TBXAS1: variants seen among roughly 807,000 people sequenced by gnomAD.
TBXAS1 encodes thromboxane A synthase 1.
In TBXAS1, 48 loss-of-function variants were observed where a neutral mutation model predicts 60.7. That is an observed-to-expected ratio of 0.79 (90% CI 0.63 to 1.01). TBXAS1 has a LOEUF of 1.01. Ranked by LOEUF, TBXAS1 falls within the 50% of genes least tolerant of loss-of-function variation. The pLI is 0.00. For synonymous variants in TBXAS1, 287 were observed against 269.7 expected, an observed-to-expected ratio of 1.06 and a Z score of -0.63; for missense variants, 685 against 686.3, an observed-to-expected ratio of 1.00 and a Z score of 0.02.
In TBXAS1 at chr7:139,866,938, CT is replaced by C. The variant is rs370097494; in HGVS notation, c.90-5295del. Among the ~76,000 whole-genome samples the C allele has an allele frequency of 7.6e-3, 1,163 of 152,248 alleles. 20 individuals are homozygous for C. Among genetic ancestry groups the C allele is most frequent in the African/African-American group, 0.027 (1,101 of 41,544 alleles). On this transcript the variant is annotated intron_variant, in intron 1 of 12. Coordinates refer to ENST00000448866, the MANE Select transcript of TBXAS1 (RefSeq NM_001061.7). ...TTCTGTGAAGCACTTCAAAATGTGT[CT>C]TGGAAAGCCAGCAAACCTCACACCC...
At chr7:139,980,644 T>A (rs775043288) in intron 9 of TBXAS1, among the ~76,000 whole-genome samples, 12 of 151,716 alleles carry the variant, frequency 7.9e-5, no homozygotes, top group Non-Finnish European at 1.3e-4. Context: ...TTCCTCCCCG[T>A]CTTCTCCTTG....
rs1554487065 is a variant in TBXAS1 at position 139,904,995 on chromosome 7, C to CG, written c.237-6230_237-6229insG. ...TACCTTTCTTTCTCTTTCTCTCTTT[C>CG]TCTCTTTCTCTCTTTCTTTCTTTCT... On this transcript the variant is annotated intron_variant, in intron 3 of 12. Coordinates refer to ENST00000448866, the MANE Select transcript of TBXAS1 (RefSeq NM_001061.7). 1.1e-3 allele frequency among the ~76,000 whole-genome samples: 139 copies of CG among 128,038 alleles called. 1 individual carries two copies. Among genetic ancestry groups the CG allele is most frequent in the African/African-American group, 4.4e-3 (132 of 29,920 alleles). The allele number at this position is 128,038 out of a possible 152,430, so 84.0% of individuals were successfully genotyped here.
chr7:139,904,290 CT>C (rs1804801429), intron 3 of TBXAS1, among the ~76,000 whole-genome samples: 1 of 152,090 alleles, frequency 6.6e-6, no homozygotes, highest in African/African-American at 2.4e-5. Flanking sequence ...TCTCTATTCT[CT>C]TCCATTGGTC....
At chr7:139,911,980 C>T (rs1179078807) in intron 4 of TBXAS1, among the ~76,000 whole-genome samples, 1 of 152,186 alleles carries the variant, frequency 6.6e-6, no homozygotes, top group Non-Finnish European at 1.5e-5. Flanking sequence ...CCTGTAGTCC[C>T]CACACTTTGG....
chr7:139,923,518 CATGTATCATGCATGCATG>C (rs1689189419), intron 4 of TBXAS1, among the ~76,000 whole-genome samples: 1 of 151,234 alleles, frequency 6.6e-6, no homozygotes, highest in Non-Finnish European at 1.5e-5. Flanking sequence ...TTGATACATG[CATGTATCATGCATGCATG>C]ATACATGCAT....
chr7:139,943,154 T>G lies in TBXAS1; in HGVS notation c.450+6847T>G, dbSNP rs1449555372. On this transcript the variant is annotated intron_variant, in intron 5 of 12. Transcript: ENST00000448866. Reference sequence around the variant, plus strand: ...TAGGAGGCATCCATTTCCAGCAGTCTATTTTTAATATTTGCTTTTATTTCT... The same window carrying G: ...TAGGAGGCATCCATTTCCAGCAGTCGATTTTTAATATTTGCTTTTATTTCT... Among the ~76,000 whole-genome samples the G allele has an allele frequency of 2.0e-5, 3 of 152,346 alleles. No individual in the cohort carries two copies. The East Asian group carries it at 5.8e-4, about 29-fold the overall frequency.
At chr7:139,974,518 C>T (rs955288462) in intron 9 of TBXAS1, among the ~76,000 whole-genome samples, 4 of 152,128 alleles carry the variant, frequency 2.6e-5, no homozygotes, top group African/African-American at 9.7e-5. Flanking sequence ...TGAGAGCACA[C>T]GGGGCCCCTG....
intron 4 of TBXAS1, among the ~76,000 whole-genome samples, chr7:139,926,096 GTTTGT>G (rs544114170): frequency 6.6e-6 from 1 of 151,812 alleles, no homozygotes; most frequent in Admixed American, 6.6e-5. Flanking sequence ...TAGATTTTTT[GTTTGT>G]TTTGTTTTGT....
At chr7:139,961,878 T>G in intron 8 of TBXAS1, 41 bp from the exon 9 acceptor site, 1 of 1,613,186 alleles carries the variant, frequency 6.2e-7, no homozygotes, top group Non-Finnish European at 8.5e-7. Flanking sequence ...TCTTCATGAC[T>G]GTAAGGTCAA....
chr7:139,887,758 C>A (rs1420362347), intron 3 of TBXAS1, among the ~76,000 whole-genome samples: 1 of 152,174 alleles, frequency 6.6e-6, no homozygotes, highest in Admixed American at 6.5e-5. Context: ...CTCTTTGAGA[C>A]CCTGCTTTTA....
At chr7:139,818,587 T>C (rs1195971662) in intron 4 of TBXAS1, among the ~76,000 whole-genome samples, 1 of 152,184 alleles carries the variant, frequency 6.6e-6, no homozygotes, top group Non-Finnish European at 1.5e-5. Context: ...ACATATTCCC[T>C]TGGAGGCAGC....
At chr7:140,005,445 A>T (rs1334923505) in intron 9 of TBXAS1, among the ~76,000 whole-genome samples, 1 of 152,106 alleles carries the variant, frequency 6.6e-6, no homozygotes, top group Non-Finnish European at 1.5e-5. Flanking sequence ...AAAATAAATA[A>T]ATAAAAGATA....
At chr7:139,824,833 T>TC (rs55728030), upstream of TBXAS1, among the ~76,000 whole-genome samples, 39 of 138,848 alleles carry the variant, frequency 2.8e-4, 3 homozygotes, top group South Asian at 4.2e-3. Context: ...CCTTTTCTTT[T>TC]TTTTTTTTTT....
rs1326899994 is a variant in TBXAS1 at position 139,962,205 on chromosome 7, G to A, written c.1106G>A (p.Arg369Lys). 6.2e-7 allele frequency: 1 copy of A among 1,614,186 alleles called. No individual in the cohort carries two copies. Among genetic ancestry groups the A allele is most frequent in the Admixed American group, 1.7e-5 (1 of 60,026 alleles). ...CCTGACTGCCAAGAGAAGCTTCTGAGAGAGGTAGACGTTTTTAAGGAGAAA... is the reference window on the plus strand; with the variant it reads ...CCTGACTGCCAAGAGAAGCTTCTGAAAGAGGTAGACGTTTTTAAGGAGAAA... ...TNPDCQEKLL[R>K]EVDVFKEKHM... The change falls in exon 9 of 13, where the codon AGA (arginine) becomes AAA (lysine). Residue 369 changes from arginine (R) to lysine (K), a missense_variant. Transcript: ENST00000448866.
chr7:139,886,386 A>ATTTTTTTT (rs8192818), intron 3 of TBXAS1, among the ~76,000 whole-genome samples: 1 of 99,634 alleles, frequency 1.0e-5, no homozygotes, highest in Non-Finnish European at 2.0e-5. Context: ...TTGCAGATGA[A>ATTTTTTTT]TTTTTTTTTT....
At chr7:139,953,673 T>C (rs547727549) in intron 6 of TBXAS1, among the ~76,000 whole-genome samples, 10 of 152,336 alleles carry the variant, frequency 6.6e-5, no homozygotes, top group African/African-American at 1.4e-4. Flanking sequence ...CTGTCGAACC[T>C]GTGGATGGAT....
chr7:140,017,579 T>C (rs1266678446), intron 11 of TBXAS1, 92 bp from the exon 12 acceptor site: 1 of 1,541,608 alleles, frequency 6.5e-7, no homozygotes, highest in African/African-American at 1.4e-5. Context: ...GACATCCTTG[T>C]CTCAGATGCA....
At chr7:139,812,989 G>A (rs368085684) in intron 4 of TBXAS1, among the ~76,000 whole-genome samples, 34 of 151,780 alleles carry the variant, frequency 2.2e-4, no homozygotes, top group Non-Finnish European at 3.7e-4. Flanking sequence ...CCGGGGTGGC[G>A]GAGGTTGCAG....
intron 4 of TBXAS1, among the ~76,000 whole-genome samples, chr7:139,921,545 A>T (rs1293027493): frequency 2.0e-5 from 3 of 152,088 alleles, no homozygotes; most frequent in East Asian, 1.9e-4. Flanking sequence ...ACAAAAAAAA[A>T]TTTTTAAATT....
Sources: allele counts gnomAD v4.1 joint callset (sites outside exome capture counted in the v4.1 genomes callset), GRCh38; gene constraint gnomAD v4.1.1; transcripts MANE v1.5; gene names NCBI Gene and HGNC (gene_info 2026-07-23, HGNC 2026-07-21).